The following SNED1 variants were observed in gnomAD, a reference collection of about 807,000 sequenced individuals.
SNED1 encodes the protein sushi, nidogen and EGF like domains 1.
Under a neutral mutation model 166.7 loss-of-function variants are expected in SNED1, and 81 were observed. The observed-to-expected ratio is 0.49, with a 90% CI of 0.41 to 0.58. The LOEUF (loss-of-function observed/expected upper bound fraction) is 0.58. SNED1 is among the 20% of genes least tolerant of loss of function. The pLI is 0.00. For missense variants in SNED1, 1,604 were observed against 2,000.2 expected, an observed-to-expected ratio of 0.80 and a Z score of 3.78; for synonymous variants, 762 against 822.0, an observed-to-expected ratio of 0.93 and a Z score of 1.25.
intron 2 of SNED1, 31 bp from the exon 3 acceptor site, chr2:241,033,704 A>G (rs1291591971): frequency 6.3e-7 from 1 of 1,599,698 alleles, no homozygotes; most frequent in Non-Finnish European, 8.5e-7. Context: ...AGGGGAGTGC[A>G]GGGCCCTGTT....
At chr2:241,009,499 G>A (rs2060321030) in intron 1 of SNED1, among the ~76,000 whole-genome samples, 1 of 152,170 alleles carries the variant, frequency 6.6e-6, no homozygotes, top group African/African-American at 2.4e-5. Flanking sequence ...AGAGGGGCTG[G>A]TGGAGAGGGA....
intron 1 of SNED1, among the ~76,000 whole-genome samples, chr2:241,023,974 C>T (rs2060853644): frequency 6.8e-6 from 1 of 146,214 alleles, no homozygotes; most frequent in South Asian, 2.2e-4. Context: ...CAGCCTCCAC[C>T]CCCCGGGTTC....
chr2:241,018,244 G>C lies in SNED1; in HGVS notation c.214-12040G>C, dbSNP rs992029156. On this transcript the variant is annotated intron_variant, in intron 1 of 31. Coordinates refer to ENST00000310397, the MANE Select transcript of SNED1 (RefSeq NM_001080437.3). The surrounding 1 kb of genome is among the most constrained non-coding windows in gnomAD (Gnocchi z 5.4). The stretch of plus-strand genomic sequence containing the variant: ...CGACGTAACCCACAGGCGCTCAGAT[G>C]ACGGGGAAGCTATGAATTCAAGTCA... Among the ~76,000 whole-genome samples the C allele has an allele frequency of 6.6e-6, 1 of 152,256 alleles. No individual in the cohort carries two copies. The highest frequency in any genetic ancestry group is 1.5e-5 in the Non-Finnish European group (1 of 68,048).
At chr2:241,072,593 G>T in intron 26 of SNED1, 1 of 265,892 alleles carries the variant, frequency 3.8e-6, no homozygotes, top group Non-Finnish European at 7.3e-6. Context: ...GAGGAGGGAG[G>T]GAAATGCAGC....
At chr2:241,052,817 G>A (rs1455583886) in intron 15 of SNED1, among the ~76,000 whole-genome samples, 1 of 138,202 alleles carries the variant, frequency 7.2e-6, no homozygotes, top group South Asian at 2.5e-4. Flanking sequence ...CCCAAGCAGG[G>A]TACATGGGAT....
intron 1 of SNED1, among the ~76,000 whole-genome samples, chr2:241,005,983 G>A (rs2060211341): frequency 6.6e-6 from 1 of 151,898 alleles, no homozygotes; most frequent in Non-Finnish European, 1.5e-5. Context: ...TATTTTTTCT[G>A]TCCTTTCTCT....
chr2:241,079,934 G>A (rs959023182), intron 27 of SNED1, among the ~76,000 whole-genome samples: 3 of 152,050 alleles, frequency 2.0e-5, no homozygotes, highest in African/African-American at 4.8e-5. Context: ...AATTGTTAAC[G>A]CCACCAAGAT....
At position 241,068,016 on chromosome 2, in the gene SNED1, C is replaced by A; in HGVS notation, c.3194+69C>A. The stretch of plus-strand genomic sequence containing the variant: ...GGTGGGGGCTCGGGGACACGGGGCC[C>A]AGGTCTCGGGCACATTCTCCGTGTG... On this transcript the variant is annotated intron_variant, in intron 22 of 31. Coordinates refer to ENST00000310397, the MANE Select transcript of SNED1 (RefSeq NM_001080437.3). This position sits in a 1 kb window ranked among gnomAD's most constrained non-coding sequence, Gnocchi z 5.3. 1 of 1,421,380 alleles carries A rather than the reference C, an allele frequency of 7.0e-7. No homozygotes were observed. The highest frequency in any genetic ancestry group is 2.4e-5 in the East Asian group (1 of 42,252). 88.0% of individuals were successfully genotyped at this position (1,421,380 alleles called of 1,614,324 possible). A position where few individuals can be genotyped will look rare whatever the true frequency, so the allele number is the denominator to read the frequency against.
At chr2:241,003,695 C>T (rs1033801182) in intron 1 of SNED1, among the ~76,000 whole-genome samples, 2 of 152,208 alleles carry the variant, frequency 1.3e-5, no homozygotes, top group Admixed American at 6.5e-5. Flanking sequence ...GCATGCTGGG[C>T]CCCATAAGGA....
chr2:241,066,155 T>A (rs1236930830), intron 21 of SNED1, among the ~76,000 whole-genome samples: 1 of 152,134 alleles, frequency 6.6e-6, no homozygotes, highest in Admixed American at 6.5e-5. Context: ...TGTGACCAGA[T>A]GTGACCCCTG....
chr2:241,033,963 C>T, intron 3 of SNED1, 88 bp downstream of exon 3: 1 of 1,459,366 alleles, frequency 6.9e-7, no homozygotes, highest in Non-Finnish European at 9.2e-7. Flanking sequence ...GGCAGGGGCT[C>T]ACCATAGGCA....
At chr2:241,017,817 A>G (rs1336847975) in intron 1 of SNED1, among the ~76,000 whole-genome samples, 1 of 152,204 alleles carries the variant, frequency 6.6e-6, no homozygotes, top group African/African-American at 2.4e-5. Flanking sequence ...CCGTAGGTCT[A>G]ATTTGAGAGA....
chr2:241,060,781 A>G (rs778549893), intron 16 of SNED1, among the ~76,000 whole-genome samples: 4 of 152,106 alleles, frequency 2.6e-5, no homozygotes, highest in Non-Finnish European at 5.9e-5. Context: ...ATAAACTAAA[A>G]TTAACCAGGC....
rs2125361747 is a variant in SNED1 at position 241,092,347 on chromosome 2, T to C, written c.*711T>C. On this transcript the variant is annotated 3_prime_UTR_variant, in exon 32 of 32. Coordinates refer to ENST00000310397, the MANE Select transcript of SNED1 (RefSeq NM_001080437.3). This position sits in a 1 kb window ranked among gnomAD's most constrained non-coding sequence, Gnocchi z 4.6. Reference sequence around the variant, plus strand: ...TTCAGCTTTGCAGACCAGAGGTCCCTGTGGCTACAGTAGCGCAGACACAGC... The same window carrying C: ...TTCAGCTTTGCAGACCAGAGGTCCCCGTGGCTACAGTAGCGCAGACACAGC... 6.6e-6 allele frequency: 1 copy of C among 152,328 alleles called. No individual in the cohort carries two copies. Among genetic ancestry groups the C allele is most frequent in the Non-Finnish European group, 1.5e-5 (1 of 68,036 alleles). 9.4% of individuals were successfully genotyped at this position (152,328 alleles called of 1,614,324 possible).
Position 240,999,947 on chromosome 2 carries a change from C to T in SNED1, c.213+897C>T, listed in dbSNP as rs1036430620. Among the ~76,000 whole-genome samples, 2 of 152,152 alleles carry T rather than the reference C, an allele frequency of 1.3e-5. No individual in the cohort carries two copies. Among genetic ancestry groups the T allele is most frequent in the East Asian group, 1.9e-4 (1 of 5,192 alleles). On this transcript the variant is annotated intron_variant, in intron 1 of 31. Transcript: ENST00000310397. This position sits in a 1 kb window ranked among gnomAD's most constrained non-coding sequence, Gnocchi z 5.8. ...CCTCAAGTAGAGTCCCCTCCAGCTCCGTCACCACGGCCACCTCCACCATCA... is the reference window on the plus strand; with the variant it reads ...CCTCAAGTAGAGTCCCCTCCAGCTCTGTCACCACGGCCACCTCCACCATCA...
At chr2:241,006,815 G>C (rs575546071) in intron 1 of SNED1, among the ~76,000 whole-genome samples, 1 of 152,282 alleles carries the variant, frequency 6.6e-6, no homozygotes, top group Admixed American at 6.5e-5. Flanking sequence ...AAAAGAACCA[G>C]GGTGCCTTGG....
chr2:241,078,443 C>A (rs1275221557), intron 27 of SNED1, among the ~76,000 whole-genome samples: 1 of 151,176 alleles, frequency 6.6e-6, no homozygotes, highest in Non-Finnish European at 1.5e-5. Context: ...TATATCCACT[C>A]AATGGAACAC....
chr2:241,000,584 T>G (rs1397266450), intron 1 of SNED1, among the ~76,000 whole-genome samples: 2 of 152,208 alleles, frequency 1.3e-5, no homozygotes, highest in Non-Finnish European at 2.9e-5. Flanking sequence ...GGCTCAGCTT[T>G]CCCACTCACA....
At chr2:241,079,508 T>C (rs1027938657) in intron 27 of SNED1, among the ~76,000 whole-genome samples, 3 of 152,068 alleles carry the variant, frequency 2.0e-5, no homozygotes, top group Non-Finnish European at 4.4e-5. Flanking sequence ...TTTGTCCTCA[T>C]TTTAATAAAG....
Sources: allele counts gnomAD v4.1 joint callset (sites outside exome capture counted in the v4.1 genomes callset), GRCh38; gene constraint gnomAD v4.1.1; non-coding constraint Gnocchi (gnomAD v3.1); transcripts MANE v1.5; gene names NCBI Gene and HGNC (gene_info 2026-07-23, HGNC 2026-07-21).